The following SORCS2 variants were observed in gnomAD, a reference collection of about 807,000 sequenced individuals.
SORCS2 encodes sortilin related VPS10 domain containing receptor 2, also known as VPS10 domain-containing receptor SorCS2.
SORCS2 carries 100 observed loss-of-function variants against 141.6 expected under a neutral mutation model. That is an observed-to-expected ratio of 0.71 (90% confidence interval 0.60 to 0.83). SORCS2 has a LOEUF of 0.83. Among genes scored for constraint, SORCS2 ranks in the 40% least tolerant of loss-of-function variants. SORCS2 has a pLI of 0.00. For synonymous variants in SORCS2, 789 were observed against 676.9 expected (o/e 1.17, Z -2.57); for missense variants, 1,646 against 1,560.2 (o/e 1.05, Z -0.93).
At chr4:7,398,270 C>T (rs1724348397) in intron 2 of SORCS2, among the ~76,000 whole-genome samples, 1 of 152,172 alleles carries the variant, frequency 6.6e-6, no homozygotes, top group Admixed American at 6.5e-5. Flanking sequence ...AGAGGCCAAA[C>T]CACCCACTCA....
chr4:7,646,545 A>AT (rs1287919682), intron 4 of SORCS2, among the ~76,000 whole-genome samples: 3 of 152,120 alleles, frequency 2.0e-5, no homozygotes, highest in African/African-American at 7.2e-5. Context: ...AGGAGGATCG[A>AT]TTGAGCCCAG....
Position 7,704,285 on chromosome 4 carries a change from G to C in SORCS2, c.1868+1G>C. On this transcript the variant is annotated splice_donor_variant, in intron 14 of 26. Transcript: ENST00000507866. LOFTEE classifies it high-confidence loss of function. Reference sequence around the variant, plus strand: ...CAGGGGACGAGACGCTGGTCATGACGTGAGTGCGGGGACCGGGGAGTGGGC... The same window carrying C: ...CAGGGGACGAGACGCTGGTCATGACCTGAGTGCGGGGACCGGGGAGTGGGC... 6.2e-7 allele frequency: 1 copy of C among 1,608,072 alleles called. No homozygotes were observed. The highest frequency in any genetic ancestry group is 8.5e-7 in the Non-Finnish European group (1 of 1,177,480).
At chr4:7,458,685 C>A (rs1347908886) in intron 2 of SORCS2, among the ~76,000 whole-genome samples, 3 of 152,172 alleles carry the variant, frequency 2.0e-5, no homozygotes, top group Non-Finnish European at 4.4e-5. Context: ...CTAGGCTGGA[C>A]AGGAGACTCA....
intron 1 of SORCS2, among the ~76,000 whole-genome samples, chr4:7,312,297 C>T (rs1005118000): frequency 1.2e-4 from 18 of 152,206 alleles, no homozygotes; most frequent in Middle Eastern, 3.2e-3. Context: ...GAAAGCTTCT[C>T]ACACTCAAGC....
At chr4:7,600,023 T>C (rs1345916801) in intron 3 of SORCS2, among the ~76,000 whole-genome samples, 1 of 151,958 alleles carries the variant, frequency 6.6e-6, no homozygotes, top group Non-Finnish European at 1.5e-5. Context: ...GGTTTCATCA[T>C]GTTGACCAGG....
At chr4:7,677,805 C>T (rs1430033452) in intron 9 of SORCS2, among the ~76,000 whole-genome samples, 2 of 152,190 alleles carry the variant, frequency 1.3e-5, no homozygotes, top group Non-Finnish European at 2.9e-5. Flanking sequence ...AGCCTCACTG[C>T]CAAAAGCCCC....
Position 7,605,213 on chromosome 4 carries a change from C to A in SORCS2, c.649-33115C>A, listed in dbSNP as rs545375471. On this transcript the variant is annotated intron_variant, in intron 3 of 26. Transcript: ENST00000507866. ...CCAGCCATTGTCTGCATATCCCAGT[C>A]GTTGGAAAGGAGGAAAAGGGGTGAA... 2.6e-5 allele frequency among the ~76,000 whole-genome samples: 4 copies of A among 152,236 alleles called. No individual in the cohort carries two copies. The South Asian group carries it at 8.3e-4, about 32-fold the overall frequency.
At chr4:7,732,534 G>A (rs968161186) in intron 23 of SORCS2, among the ~76,000 whole-genome samples, 4 of 152,130 alleles carry the variant, frequency 2.6e-5, no homozygotes, top group Non-Finnish European at 4.4e-5. Flanking sequence ...AGGTGCCCCC[G>A]ACCCTGCATC....
intron 1 of SORCS2, among the ~76,000 whole-genome samples, chr4:7,197,771 G>A (rs1727256752): frequency 6.6e-6 from 1 of 152,180 alleles, no homozygotes; most frequent in African/African-American, 2.4e-5. Flanking sequence ...TGAAGAGTCC[G>A]TGTCGCAGTG....
At chr4:7,282,974 C>CTCAT (rs747220122) in intron 1 of SORCS2, among the ~76,000 whole-genome samples, 3 of 152,226 alleles carry the variant, frequency 2.0e-5, no homozygotes, top group Admixed American at 6.5e-5. Flanking sequence ...CATTCATTCA[C>CTCAT]TCATTCATTC....
At chr4:7,489,990 G>C in intron 2 of SORCS2, among the ~76,000 whole-genome samples, 1 of 152,198 alleles carries the variant, frequency 6.6e-6, no homozygotes, top group East Asian at 1.9e-4. Flanking sequence ...TGGAACAGGA[G>C]GCTGGTGTTG....
At chr4:7,264,069 G>T (rs546775386) in intron 1 of SORCS2, among the ~76,000 whole-genome samples, 4 of 152,180 alleles carry the variant, frequency 2.6e-5, no homozygotes, top group African/African-American at 4.8e-5. Flanking sequence ...CTTTGGATGG[G>T]GGAGCAGAGA....
chr4:7,584,232 G>C, intron 3 of SORCS2, among the ~76,000 whole-genome samples: 1 of 152,238 alleles, frequency 6.6e-6, no homozygotes, highest in East Asian at 1.9e-4. Context: ...GAGGAAAGGA[G>C]TCCAAGAGCA....
intron 1 of SORCS2, among the ~76,000 whole-genome samples, chr4:7,271,127 C>A (rs1222637079): frequency 6.6e-6 from 1 of 152,220 alleles, no homozygotes. Flanking sequence ...GACAACCTCC[C>A]AGCTGGTCCC....
At chr4:7,416,810 G>T (rs544913750) in intron 2 of SORCS2, among the ~76,000 whole-genome samples, 4 of 149,920 alleles carry the variant, frequency 2.7e-5, no homozygotes, top group Non-Finnish European at 4.4e-5. Flanking sequence ...AAACATGCAT[G>T]CATGTACACA....
intron 2 of SORCS2, among the ~76,000 whole-genome samples, chr4:7,464,278 A>C (rs80070915): frequency 6.6e-6 from 1 of 152,202 alleles, no homozygotes; most frequent in Non-Finnish European, 1.5e-5. Context: ...AGAAGTCTCC[A>C]TGGAGGTGGA....
At chr4:7,572,074 T>A (rs912689406) in intron 3 of SORCS2, among the ~76,000 whole-genome samples, 1 of 152,220 alleles carries the variant, frequency 6.6e-6, no homozygotes, top group African/African-American at 2.4e-5. Flanking sequence ...CATCCTCATC[T>A]TCTCTCTGCC....
At chr4:7,227,501 T>A (rs1729058783) in intron 1 of SORCS2, among the ~76,000 whole-genome samples, 1 of 152,172 alleles carries the variant, frequency 6.6e-6, no homozygotes, top group African/African-American at 2.4e-5. Context: ...GATCCTGTGC[T>A]CTTCTGGGGC....
At chr4:7,453,687 T>C (rs1728655185) in intron 2 of SORCS2, among the ~76,000 whole-genome samples, 1 of 135,962 alleles carries the variant, frequency 7.4e-6, no homozygotes, top group Non-Finnish European at 1.6e-5. Flanking sequence ...AGGTGCTGTG[T>C]TGGGGTCAGG....
Sources: allele counts gnomAD v4.1 joint callset (sites outside exome capture counted in the v4.1 genomes callset), GRCh38; gene constraint gnomAD v4.1.1; transcripts MANE v1.5; gene names NCBI Gene and HGNC (gene_info 2026-07-23, HGNC 2026-07-21).